Variants in TPCN2 observed in about 807,000 individuals in gnomAD.
TPCN2 encodes the protein two pore channel protein 2.
TPCN2 carries 92 observed loss-of-function variants against 111.4 expected under a neutral mutation model. The observed-to-expected ratio is 0.83, with a 90% CI of 0.70 to 0.98. The LOEUF (loss-of-function observed/expected upper bound fraction) is 0.98, where lower values mean the gene tolerates loss of function less well. Ranked by LOEUF, TPCN2 falls within the 50% of genes least tolerant of loss-of-function variation. The pLI, the probability that TPCN2 is intolerant of heterozygous loss-of-function variation, is 0.00. For synonymous variants in TPCN2, 405 were observed against 414.5 expected (o/e 0.98, Z 0.28); for missense variants, 995 against 980.1 (o/e 1.02, Z -0.20).
At chr11:69,063,391 G>A (rs1029304308) in intron 6 of TPCN2, among the ~76,000 whole-genome samples, 3 of 151,964 alleles carry the variant, frequency 2.0e-5, no homozygotes, top group African/African-American at 4.8e-5. Flanking sequence ...TGTTCCTGAC[G>A]ACACCCCTGC....
In TPCN2 at chr11:69,066,125, C is replaced by G. The variant is rs571451984; in HGVS notation, c.727-1378C>G. 3.1e-4 allele frequency among the ~76,000 whole-genome samples: 47 copies of G among 152,192 alleles called. No homozygotes were observed. The Middle Eastern group carries it at 0.01, about 33-fold the overall frequency. On this transcript the variant is annotated intron_variant, in intron 7 of 24. Transcript: ENST00000294309. Reference sequence around the variant, plus strand: ...GCCTCAGCTGGCTCGAAGCCTGGCCCTAAACCTTGCTCCATGGGCGCTCGG... The same window carrying G: ...GCCTCAGCTGGCTCGAAGCCTGGCCGTAAACCTTGCTCCATGGGCGCTCGG...
chr11:69,085,343 G>GGGGGGT, intron 20 of TPCN2, 57 bp downstream of exon 20: 1 of 581,858 alleles, frequency 1.7e-6, no homozygotes, highest in Non-Finnish European at 3.4e-6. Context: ...GGGTGGGCGG[G>GGGGGGT]AAGCCTTGGC....
intron 19 of TPCN2, 52 bp from the exon 20 acceptor site, chr11:69,085,158 G>GT: frequency 6.5e-7 from 1 of 1,527,120 alleles, no homozygotes; most frequent in Non-Finnish European, 9.1e-7. Flanking sequence ...GAGGGTGGTG[G>GT]TGGGTGCACC....
rs1187348291 is a variant in TPCN2, at chr11:69,084,010, C to G, written c.1755C>G (p.Ile585Met). Reference protein sequence around the residue: ...LVQNMRAFGGILVVVYYVFAI... With the variant: ...LVQNMRAFGGMLVVVYYVFAI... ...AGAACATGCGTGCGTTTGGCGGGAT[C>G]CTGGTGGTGAGTCCCAGGCTGCTGC... Residue 585 changes from isoleucine (I) to methionine (M), a missense_variant, in exon 19 of 25, where the codon ATC becomes ATG. Transcript: ENST00000294309. The G allele has an allele frequency of 1.2e-6, 2 of 1,614,088 alleles. No homozygotes were observed. Among genetic ancestry groups the G allele is most frequent in the Admixed American group, 3.3e-5 (2 of 60,014 alleles).
chr11:69,065,489 G>A (rs1283137675), intron 7 of TPCN2, among the ~76,000 whole-genome samples: 14 of 152,210 alleles, frequency 9.2e-5, no homozygotes, highest in African/African-American at 7.2e-5. Context: ...TGAGGGGTGC[G>A]TGCTTGTCGT....
chr11:69,081,089 T>C (rs1855985978), intron 17 of TPCN2, among the ~76,000 whole-genome samples: 1 of 151,912 alleles, frequency 6.6e-6, no homozygotes, highest in African/African-American at 2.4e-5. Context: ...GGAACCTCCA[T>C]GCCCTCCCGT....
intron 2 of TPCN2, 78 bp from the exon 3 acceptor site, chr11:69,054,643 C>T (rs560755032): frequency 1.0e-5 from 14 of 1,350,796 alleles, no homozygotes; most frequent in African/African-American, 7.2e-5. Flanking sequence ...GGGCCTGTCT[C>T]GTGTGTGGTG....
rs1856386568 is a variant in TPCN2 at position 69,089,820 on chromosome 11, C to T, written c.*1867C>T. On this transcript the variant is annotated 3_prime_UTR_variant, in exon 25 of 25. Coordinates refer to ENST00000294309, the MANE Select transcript of TPCN2 (RefSeq NM_139075.4). ...CTCCCACCTGTGTGGATCCTGGTCC[C>T]TTCTTGTATTCAGGGCTGTGGTCTG... The T allele has an allele frequency of 6.6e-6, 1 of 151,420 alleles. No individual in the cohort carries two copies. Among genetic ancestry groups the T allele is most frequent in the Admixed American group, 6.6e-5 (1 of 15,208 alleles). The allele number at this position is 151,420 out of a possible 1,614,324, so 9.4% of individuals were successfully genotyped here.
At chr11:69,080,011 G>A in intron 17 of TPCN2, 128 bp downstream of exon 17, 1 of 808,440 alleles carries the variant, frequency 1.2e-6, no homozygotes, top group South Asian at 1.8e-5. Flanking sequence ...CCGTGATGGT[G>A]GAATGGGTGG....
Position 69,055,338 on chromosome 11 carries a change from G to A in TPCN2, c.415G>A (p.Asp139Asn), listed in dbSNP as rs772440038. 19 of 1,609,774 alleles carry A rather than the reference G, an allele frequency of 1.2e-5. No homozygotes were observed. Among genetic ancestry groups the A allele is most frequent in the Admixed American group, 3.4e-5 (2 of 59,638 alleles). Residue 139 changes from aspartate to asparagine, a missense_variant, in exon 4 of 25, where the codon GAC (aspartate) becomes AAC (asparagine). Physicochemically the swap from Asp to Asn is conservative, Grantham distance 23. Coordinates refer to ENST00000294309, the MANE Select transcript of TPCN2 (RefSeq NM_139075.4). ...GCTCTGCCTGCTGGTCTTTGCGGCC[G>A]ACCTCTCTGTGAAGGTGAGGCGGGC... ...EVLCLLVFAA[D>N]LSVKGYLFGW...
intron 10 of TPCN2, 42 bp from the exon 11 acceptor site, chr11:69,071,881 G>T: frequency 6.3e-7 from 1 of 1,581,964 alleles, no homozygotes; most frequent in Non-Finnish European, 8.7e-7. Context: ...TTCTGAGCTG[G>T]GGGAGGGCTG....
At chr11:69,085,962 C>T (rs1160505428) in intron 22 of TPCN2, 32 bp downstream of exon 22, 6 of 1,594,016 alleles carry the variant, frequency 3.8e-6, no homozygotes, top group Admixed American at 1.7e-5. Flanking sequence ...GGCAGTGATT[C>T]TCCGTGCAGC....
At chr11:69,053,892 C>A in intron 1 of TPCN2, 141 bp from the exon 2 acceptor site, 2 of 701,428 alleles carry the variant, frequency 2.9e-6, no homozygotes, top group Non-Finnish European at 4.9e-6. Context: ...GTACATGCAG[C>A]CCCACTGCCG....
chr11:69,063,217 G>A (rs1208554259), intron 6 of TPCN2, among the ~76,000 whole-genome samples: 2 of 151,886 alleles, frequency 1.3e-5, no homozygotes, highest in Non-Finnish European at 2.9e-5. Context: ...GGCCAGGGCT[G>A]CAAACACCGC....
chr11:69,055,236 C>G lies in TPCN2; in HGVS notation c.313C>G (p.Leu105Val). Reference sequence around the variant, plus strand: ...GGCTTTTATCGAGACCCCATCCTCACTCACCAGCACGGCGGACGTGCGCTA... The same window carrying G: ...GGCTTTTATCGAGACCCCATCCTCAGTCACCAGCACGGCGGACGTGCGCTA... ...FLAFIETPSS[L>V]TSTADVRYRA... Residue 105 changes from leucine to valine, a missense_variant, in exon 4 of 25, where the codon CTC becomes GTC. Transcript: ENST00000294309. The G allele has an allele frequency of 6.2e-7, 1 of 1,614,258 alleles. No individual in the cohort carries two copies. Among genetic ancestry groups the G allele is most frequent in the Non-Finnish European group, 8.5e-7 (1 of 1,180,052 alleles).
At chr11:69,087,731 AGG>A in intron 24 of TPCN2, 142 bp from the exon 25 acceptor site, 1 of 621,164 alleles carries the variant, frequency 1.6e-6, no homozygotes, top group South Asian at 2.0e-5. Context: ...ATCCATCCTG[AGG>A]CTCATCTGAG....
Position 69,054,724 on chromosome 11 carries a change from C to A in TPCN2, c.178C>A (p.Arg60Ser), listed in dbSNP as rs368171157. ...VVFIEDAIQY[R>S]SINHRVDASS... ...TCATGTGACTTTTCGCTTGTAGTAC[C>A]GCTCCATCAACCACCGGGTGGATGC... Residue 60 changes from arginine (R) to serine (S), a missense_variant, in exon 3 of 25, where the codon CGC (arginine) becomes AGC (serine). Transcript: ENST00000294309. The A allele has an allele frequency of 3.1e-6, 5 of 1,614,108 alleles. No individual in the cohort carries two copies. Among genetic ancestry groups the A allele is most frequent in the Middle Eastern group, 1.6e-4 (1 of 6,062 alleles).
intron 1 of TPCN2, 48 bp downstream of exon 1, chr11:69,049,154 C>A: frequency 1.8e-6 from 2 of 1,133,438 alleles, no homozygotes; most frequent in Non-Finnish European, 2.2e-6. Context: ...AGACCAGGGT[C>A]GCGCGTGGGG....
chr11:69,067,860 C>T (rs1191125202), intron 8 of TPCN2, among the ~76,000 whole-genome samples: 1 of 152,180 alleles, frequency 6.6e-6, no homozygotes, highest in Non-Finnish European at 1.5e-5. Context: ...TGCTTTCTCA[C>T]TCCCTCCTCC....
Sources: allele counts gnomAD v4.1 joint callset (sites outside exome capture counted in the v4.1 genomes callset), GRCh38; gene constraint gnomAD v4.1.1; transcripts MANE v1.5; gene names NCBI Gene and HGNC (gene_info 2026-07-23, HGNC 2026-07-21).